Variants in COL25A1 observed in about 807,000 individuals in gnomAD.
The protein encoded by COL25A1 is collagen type XXV alpha 1 chain, also known as collagen alpha-1(XXV) chain.
Under a neutral mutation model 128.4 loss-of-function variants are expected in COL25A1, and 103 were observed. The ratio of observed to expected loss-of-function variants is 0.80; its 90% CI spans 0.68 to 0.94. The LOEUF (loss-of-function observed/expected upper bound fraction) is 0.94. COL25A1 is among the 40% of genes least tolerant of loss of function. The probability of loss-of-function intolerance (pLI) is 0.00; values close to 1 mark genes in which losing one functional copy is unlikely to be tolerated. For synonymous variants in COL25A1, 279 were observed against 277.2 expected (o/e 1.01, Z -0.06); for missense variants, 745 against 840.0 (o/e 0.89, Z 1.40).
intron 3 of COL25A1, among the ~76,000 whole-genome samples, chr4:109,088,698 C>T (rs1764632519): frequency 6.6e-6 from 1 of 152,164 alleles, no homozygotes; most frequent in Non-Finnish European, 1.5e-5. Flanking sequence ...GTAAGTGAGA[C>T]AGTTTCTCTG....
chr4:109,250,369 TAC>T (rs61574026), intron 3 of COL25A1, among the ~76,000 whole-genome samples: 92 of 134,608 alleles, frequency 6.8e-4, no homozygotes, highest in South Asian at 1.2e-3. Flanking sequence ...AAGTAGGAGA[TAC>T]ACACACACAC....
At chr4:108,847,107 T>C (rs6834767) in intron 27 of COL25A1, among the ~76,000 whole-genome samples, 378 of 152,210 alleles carry the variant, frequency 2.5e-3, no homozygotes, top group African/African-American at 8.6e-3. Context: ...GGTTTCACCA[T>C]GTTGGCCCGG....
intron 3 of COL25A1, among the ~76,000 whole-genome samples, chr4:109,059,731 C>T (rs1761780070): frequency 6.6e-6 from 1 of 152,108 alleles, no homozygotes; most frequent in Non-Finnish European, 1.5e-5. Context: ...AGTTTTTACC[C>T]ATGCTGTTAT....
chr4:108,875,743 C>T (rs975083492), intron 19 of COL25A1, among the ~76,000 whole-genome samples: 1 of 152,144 alleles, frequency 6.6e-6, no homozygotes, highest in African/African-American at 2.4e-5. Context: ...AATCATGCTA[C>T]TATAAAGGCA....
intron 6 of COL25A1, among the ~76,000 whole-genome samples, chr4:109,002,980 C>T (rs1322861899): frequency 6.6e-6 from 1 of 152,096 alleles, no homozygotes; most frequent in Non-Finnish European, 1.5e-5. Flanking sequence ...CAACCTGTGT[C>T]CATGTGTTCT....
chr4:109,107,930 C>T (rs1028964615), intron 3 of COL25A1, among the ~76,000 whole-genome samples: 8 of 152,352 alleles, frequency 5.3e-5, no homozygotes, highest in Non-Finnish European at 2.9e-5. Context: ...CATTTAACTT[C>T]TAATTCCATG....
At chr4:109,034,482 G>A (rs754169430) in intron 5 of COL25A1, among the ~76,000 whole-genome samples, 15 of 152,064 alleles carry the variant, frequency 9.9e-5, no homozygotes, top group East Asian at 1.9e-4. Flanking sequence ...TTGTCTCCAC[G>A]TTCATCACTG....
rs924522692 is a variant in COL25A1, at chr4:109,150,321, C to T, written c.368-100142G>A. Among the ~76,000 whole-genome samples, 3 of 152,172 alleles carry T rather than the reference C, an allele frequency of 2.0e-5. No homozygotes were observed. In the East Asian group the frequency reaches 5.8e-4, roughly 29 times the overall value. On this transcript the variant is annotated intron_variant, in intron 3 of 37. Transcript: ENST00000399132. ...ATTAGGTTTCTTAAGTTTCTAAGGT[C>T]GTTGGCAGTTCTCTCCTGTCTAGTT... is the stretch of plus-strand genomic sequence containing the variant.
chr4:108,834,695 A>G (rs573842170), intron 31 of COL25A1, among the ~76,000 whole-genome samples: 5 of 152,320 alleles, frequency 3.3e-5, no homozygotes, highest in South Asian at 2.1e-4. Flanking sequence ...GCAGGCTTCT[A>G]TCTAATTTCC....
At chr4:109,148,898 CT>C (rs1240959364) in intron 3 of COL25A1, among the ~76,000 whole-genome samples, 1 of 152,112 alleles carries the variant, frequency 6.6e-6, no homozygotes, top group Non-Finnish European at 1.5e-5. Flanking sequence ...TTGGAATCTT[CT>C]TCCTACCCAC....
Position 109,050,120 on chromosome 4 carries a change from GA to G in COL25A1, c.412+14del. 1 of 1,606,940 alleles carries G rather than the reference GA, an allele frequency of 6.2e-7. No individual in the cohort carries two copies. The highest frequency in any genetic ancestry group is 8.5e-7 in the Non-Finnish European group (1 of 1,175,104). On this transcript the variant is annotated intron_variant, in intron 4 of 37. Transcript: ENST00000399132. ...AGAACATGAGTGACACAGAGCAGCTGAAAGAGAGACTTACCAGATTCTCCTC... is the reference window on the plus strand; with the variant it reads ...AGAACATGAGTGACACAGAGCAGCTGAAGAGAGACTTACCAGATTCTCCTC...
intron 3 of COL25A1, among the ~76,000 whole-genome samples, chr4:109,109,022 A>G (rs1766729413): frequency 6.6e-6 from 1 of 152,192 alleles, no homozygotes; most frequent in Non-Finnish European, 1.5e-5. Flanking sequence ...AATACTTTAT[A>G]TACACTTTAA....
rs1242593564 is a variant in COL25A1, at chr4:108,941,416, G to C, written c.514C>G (p.His172Asp). 6.2e-7 allele frequency: 1 copy of C among 1,613,846 alleles called. No individual in the cohort carries two copies. The highest frequency in any genetic ancestry group is 8.5e-7 in the Non-Finnish European group (1 of 1,179,888). The change falls in exon 9 of 38, where the codon CAT becomes GAT. Residue 172 changes from histidine (H) to aspartate (D), a missense_variant. By Grantham distance (81) the His-to-Asp change is moderately conservative. Around this residue, in one of 3 missense-constraint regions of COL25A1, gnomAD observed 319 missense variants for 324.9 expected, o/e 0.98. Transcript: ENST00000399132. ...GPRMVFPKIN[H>D]GFLSADQQLI... ...TGCTGATCAGCAGAGAGAAACCCAT[G>C]ATTGATTTTAGGAAACACCATCTGA...
intron 31 of COL25A1, among the ~76,000 whole-genome samples, chr4:108,836,826 C>A (rs1733868536): frequency 6.6e-6 from 1 of 152,162 alleles, no homozygotes; most frequent in South Asian, 2.1e-4. Context: ...TGCCTTTAAT[C>A]CTAGCACTTT....
At chr4:109,210,179 CA>C (rs33962948) in intron 3 of COL25A1, among the ~76,000 whole-genome samples, 69,628 of 150,820 alleles carry the variant, frequency 0.46, 19,302 homozygotes, top group African/African-American at 0.78. Flanking sequence ...AGCGAAGCCT[CA>C]AAAAAAAATC....
chr4:108,961,416 T>C (rs976950324), intron 8 of COL25A1, among the ~76,000 whole-genome samples: 1 of 152,260 alleles, frequency 6.6e-6, no homozygotes, highest in African/African-American at 2.4e-5. Context: ...TGTTTGATAA[T>C]TCTTAATATA....
chr4:108,968,437 T>C (rs567365535), intron 8 of COL25A1, among the ~76,000 whole-genome samples: 15 of 151,946 alleles, frequency 9.9e-5, no homozygotes, highest in South Asian at 2.1e-4. Context: ...AAAGACCTCA[T>C]CCCTGAGGCT....
At chr4:109,208,386 A>T (rs1056967660) in intron 3 of COL25A1, among the ~76,000 whole-genome samples, 5 of 151,972 alleles carry the variant, frequency 3.3e-5, no homozygotes, top group Non-Finnish European at 7.4e-5. Flanking sequence ...ACGCTGTTCC[A>T]CGCCCTAAGG....
chr4:109,011,555 C>A (rs1321028967), intron 5 of COL25A1, among the ~76,000 whole-genome samples: 1 of 152,218 alleles, frequency 6.6e-6, no homozygotes, highest in South Asian at 2.1e-4. Context: ...AAGTGCCAGA[C>A]ACTTTGGGAT....
Sources: allele counts gnomAD v4.1 joint callset (sites outside exome capture counted in the v4.1 genomes callset), GRCh38; gene constraint gnomAD v4.1.1; regional missense constraint gnomAD v4.1.1; transcripts MANE v1.5; gene names NCBI Gene and HGNC (gene_info 2026-07-23, HGNC 2026-07-21).